Variants in EXOC3L4 observed in about 807,000 individuals in gnomAD.
The protein encoded by EXOC3L4 is exocyst complex component 3 like 4.
Under a neutral mutation model 69.7 loss-of-function variants are expected in EXOC3L4, and 62 were observed. That is an observed-to-expected ratio of 0.89 (90% CI 0.72 to 1.10). The LOEUF is 1.10. EXOC3L4 is among the 50% of genes least tolerant of loss of function. The pLI, the probability that EXOC3L4 is intolerant of heterozygous loss-of-function variation, is 0.00. For missense variants in EXOC3L4, 1,087 were observed against 1,034.8 expected (o/e 1.05, Z -0.69); for synonymous variants, 502 against 464.2 (o/e 1.08, Z -1.05).
chr14:103,107,026 G>C (rs757457632), intron 8 of EXOC3L4, 127 bp downstream of exon 8: 3 of 837,126 alleles, frequency 3.6e-6, no homozygotes, highest in Non-Finnish European at 5.4e-6. Flanking sequence ...TGTGTGTAGG[G>C]TAGTGGGCAG....
chr14:103,110,066 G>T lies in EXOC3L4; in HGVS notation c.2012G>T (p.Arg671Leu), dbSNP rs141612043. 8 of 1,600,856 alleles carry T rather than the reference G, an allele frequency of 5.0e-6. No individual in the cohort carries two copies. Among genetic ancestry groups the T allele is most frequent in the South Asian group, 2.2e-5 (2 of 89,156 alleles). The change falls in exon 12 of 12, where the codon CGA becomes CTA. Residue 671 changes from arginine to leucine, a missense_variant. Transcript: ENST00000688303. Reference protein sequence around the residue: ...DHILAILALRRLGRQRNQHLL... With the variant: ...DHILAILALRLLGRQRNQHLL... Reference sequence around the variant, plus strand: ...ATACTGGCCATTCTGGCGCTGCGCCGACTGGGCCGCCAGCGGAACCAGCAT... The same window carrying T: ...ATACTGGCCATTCTGGCGCTGCGCCTACTGGGCCGCCAGCGGAACCAGCAT...
In EXOC3L4 at chr14:103,107,575, G is replaced by T. The variant is rs199888871; in HGVS notation, c.1701+32G>T. 1.6e-5 allele frequency: 25 copies of T among 1,612,382 alleles called. No homozygotes were observed. The Admixed American group carries it at 3.5e-4, about 23-fold the overall frequency. The stretch of plus-strand genomic sequence containing the variant: ...CAAGGGGGAGGGCCCTGGCAGGGCT[G>T]TGCCCAGGATTGGGGCTGTTGACCC... On this transcript the variant is annotated intron_variant, in intron 9 of 11. Coordinates refer to ENST00000688303, the MANE Select transcript of EXOC3L4 (RefSeq NM_001077594.2).
At chr14:103,102,094 CG>C in intron 2 of EXOC3L4, 23 bp from the exon 3 acceptor site, 1 of 1,577,726 alleles carries the variant, frequency 6.3e-7, no homozygotes, top group Non-Finnish European at 8.6e-7. Flanking sequence ...TCCCTCTCAC[CG>C]CCCTTCTCGC....
At chr14:103,108,553 A>G in intron 11 of EXOC3L4, 36 bp downstream of exon 11, 1 of 1,604,288 alleles carries the variant, frequency 6.2e-7, no homozygotes, top group South Asian at 1.1e-5. Flanking sequence ...GCTTCCTACC[A>G]GAGCTTCAGG....
At chr14:103,108,966 C>A (rs757510510) in intron 11 of EXOC3L4, among the ~76,000 whole-genome samples, 57 of 151,940 alleles carry the variant, frequency 3.8e-4, no homozygotes, top group African/African-American at 1.4e-3. Flanking sequence ...TCACAGAAAG[C>A]CCCTGGTTCA....
chr14:103,100,201 C>A lies in EXOC3L4; in HGVS notation c.-16-3C>A. The A allele has an allele frequency of 6.4e-7, 1 of 1,554,130 alleles. No homozygotes were observed. The highest frequency in any genetic ancestry group is 1.2e-5 in the South Asian group (1 of 83,298). On this transcript the variant is annotated splice_region_variant and splice_polypyrimidine_tract_variant and intron_variant, in intron 1 of 11. Coordinates refer to ENST00000688303, the MANE Select transcript of EXOC3L4 (RefSeq NM_001077594.2). ...TCCTATGGCCACTCCTTCTTGCCCCCAGCTCTCCTGCTGCCAAGATGCCAT... is the reference window on the plus strand; with the variant it reads ...TCCTATGGCCACTCCTTCTTGCCCCAAGCTCTCCTGCTGCCAAGATGCCAT...
At position 103,102,347 on chromosome 14, in the gene EXOC3L4, G is replaced by T; in HGVS notation, c.624G>T (p.Ala208=). The stretch of plus-strand genomic sequence containing the variant: ...CGCTGGACAGCGACGGTGTGGACGC[G>T]GCCGCGCTGGCCGAGCTGGCCCGCG... ...RETLDSDGVD[A]AALAELARVV... Residue 208 remains alanine, a synonymous_variant, in exon 3 of 12, where the codon GCG becomes GCT. Transcript: ENST00000688303. The T allele has an allele frequency of 1.3e-6, 2 of 1,560,240 alleles. No homozygotes were observed. Among genetic ancestry groups the T allele is most frequent in the Non-Finnish European group, 8.6e-7 (1 of 1,159,568 alleles).
At chr14:103,108,149 G>T (rs1036826749) in intron 10 of EXOC3L4, among the ~76,000 whole-genome samples, 4 of 152,138 alleles carry the variant, frequency 2.6e-5, no homozygotes, top group Admixed American at 2.6e-4. Flanking sequence ...GCTGGCCTCG[G>T]TTTTCCTGTC....
chr14:103,101,518 C>T (rs1012413830), intron 2 of EXOC3L4, among the ~76,000 whole-genome samples: 3 of 152,234 alleles, frequency 2.0e-5, no homozygotes, highest in African/African-American at 7.2e-5. Flanking sequence ...CCCCACCTCT[C>T]CATGGCCTTT....
At chr14:103,108,609 C>T in intron 11 of EXOC3L4, 92 bp downstream of exon 11, 8 of 1,521,424 alleles carry the variant, frequency 5.3e-6, no homozygotes, top group Non-Finnish European at 7.1e-6. Context: ...GACCTGACTG[C>T]CCAGGGGCCT....
intron 2 of EXOC3L4, 82 bp from the exon 3 acceptor site, chr14:103,102,036 T>C (rs1434480670): frequency 2.1e-6 from 3 of 1,411,064 alleles, no homozygotes; most frequent in East Asian, 2.5e-5. Context: ...CCCCGATGGA[T>C]TGAGCCGTGG....
chr14:103,099,531 G>A (rs1024323739), intron 1 of EXOC3L4, among the ~76,000 whole-genome samples: 3 of 152,340 alleles, frequency 2.0e-5, no homozygotes, highest in Non-Finnish European at 4.4e-5. Flanking sequence ...ATATAGACCC[G>A]AGGCTCCTCC....
chr14:103,107,790 G>A lies in EXOC3L4; in HGVS notation c.1854+7G>A, dbSNP rs1274181836. Reference sequence around the variant, plus strand: ...CGACACCTTCCAGGGCCTGGTAGGGGCGGCATGACTGCCCTTCGGTGCTCG... The same window carrying A: ...CGACACCTTCCAGGGCCTGGTAGGGACGGCATGACTGCCCTTCGGTGCTCG... On this transcript the variant is annotated splice_region_variant and intron_variant, in intron 10 of 11. Coordinates refer to ENST00000688303, the MANE Select transcript of EXOC3L4 (RefSeq NM_001077594.2). 1.3e-6 allele frequency: 2 copies of A among 1,508,284 alleles called. No homozygotes were observed. The highest frequency in any genetic ancestry group is 1.8e-6 in the Non-Finnish European group (2 of 1,121,808). The allele number at this position is 1,508,284 out of a possible 1,614,324, so 93.4% of individuals were successfully genotyped here.
Position 103,097,478 on chromosome 14 carries a change from G to C in EXOC3L4, c.-17+2638G>C, listed in dbSNP as rs951438924. 1.3e-5 allele frequency among the ~76,000 whole-genome samples: 2 copies of C among 152,136 alleles called. No individual in the cohort carries two copies. Among genetic ancestry groups the C allele is most frequent in the South Asian group, 2.1e-4 (1 of 4,830 alleles). ...CAGGCGAGAGCCTTGGGAGGTGGAG[G>C]GGGGAGTTGAGAGGGGCCTTCAGGT... On this transcript the variant is annotated intron_variant, in intron 1 of 11. Transcript: ENST00000688303. The surrounding 1 kb of genome is among the most constrained non-coding windows in gnomAD (Gnocchi z 4.9).
intron 2 of EXOC3L4, among the ~76,000 whole-genome samples, chr14:103,101,144 G>A (rs1158820273): frequency 1.3e-5 from 2 of 151,886 alleles, no homozygotes; most frequent in African/African-American, 2.4e-5. Context: ...CTGACCTCGC[G>A]ATCCGCCCCC....
At chr14:103,101,425 A>C (rs1319286991) in intron 2 of EXOC3L4, among the ~76,000 whole-genome samples, 3 of 152,178 alleles carry the variant, frequency 2.0e-5, no homozygotes, top group African/African-American at 7.2e-5. Context: ...AAGAAAAGTG[A>C]GGCTCAGAGA....
At position 103,102,317 on chromosome 14, in the gene EXOC3L4, C is replaced by T. The variant is rs372851552; in HGVS notation, c.594C>T (p.Arg198=). The T allele has an allele frequency of 1.3e-6, 2 of 1,567,572 alleles. No individual in the cohort carries two copies. Among genetic ancestry groups the T allele is most frequent in the Non-Finnish European group, 1.7e-6 (2 of 1,162,912 alleles). ...CAGCCGAGATCGGCGCCATCGTGCG[C>T]GAGACGCTGGACAGCGACGGTGTGG... ...GLAAEIGAIV[R]ETLDSDGVDA... The change falls in exon 3 of 12, where the codon CGC becomes CGT. Residue 198 remains arginine, a synonymous_variant. Coordinates refer to ENST00000688303, the MANE Select transcript of EXOC3L4 (RefSeq NM_001077594.2).
intron 7 of EXOC3L4, among the ~76,000 whole-genome samples, chr14:103,106,339 G>A (rs1566951533): frequency 2.0e-5 from 3 of 152,206 alleles, no homozygotes; most frequent in South Asian, 2.1e-4. Flanking sequence ...CTGCCCCTTG[G>A]TAGGCAGCCT....
In EXOC3L4 at chr14:103,103,994, C is replaced by G; in HGVS notation, c.1103C>G (p.Pro368Arg). The change falls in exon 4 of 12, where the codon CCG (proline) becomes CGG (arginine). Residue 368 changes from proline (P) to arginine (R), a missense_variant. Pro to Arg is a moderately radical substitution (Grantham distance 103). Coordinates refer to ENST00000688303, the MANE Select transcript of EXOC3L4 (RefSeq NM_001077594.2). The stretch of plus-strand genomic sequence containing the variant: ...GCGCTGCCCGCCGAGCCGCTGCCTC[C>G]GCTCCTGGCGCCGGACGTGTGGGCC... ...GLALPAEPLP[P>R]LLAPDVWARL... The G allele has an allele frequency of 6.4e-7, 1 of 1,574,482 alleles. No individual in the cohort carries two copies. The highest frequency in any genetic ancestry group is 8.6e-7 in the Non-Finnish European group (1 of 1,165,696).
Sources: allele counts gnomAD v4.1 joint callset (sites outside exome capture counted in the v4.1 genomes callset), GRCh38; gene constraint gnomAD v4.1.1; non-coding constraint Gnocchi (gnomAD v3.1); transcripts MANE v1.5; gene names NCBI Gene and HGNC (gene_info 2026-07-23, HGNC 2026-07-21).